Variants in SETD5 observed in about 807,000 individuals in gnomAD.
The protein encoded by SETD5 is SET domain containing 5.
Under a neutral mutation model 153.3 loss-of-function variants are expected in SETD5, and 44 were observed. That is an observed-to-expected ratio of 0.29 (90% CI 0.23 to 0.37). The LOEUF (loss-of-function observed/expected upper bound fraction) is 0.37, where lower values mean the gene tolerates loss of function less well. Ranked by LOEUF, SETD5 falls within the 10% of genes least tolerant of loss-of-function variation. The pLI is 1.00. For synonymous variants in SETD5, 716 were observed against 645.2 expected, an observed-to-expected ratio of 1.11 and a Z score of -1.66; for missense variants, 1,544 against 1,768.0, an observed-to-expected ratio of 0.87 and a Z score of 2.27.
rs1014225988 is a variant in SETD5, at chr3:9,434,954, A to G, written c.388+72A>G. The G allele has an allele frequency of 1.9e-5, 30 of 1,543,078 alleles. No individual in the cohort carries two copies. In the African/African-American group the frequency reaches 3.8e-4, roughly 20 times the overall value. On this transcript the variant is annotated intron_variant, in intron 6 of 22. Coordinates refer to ENST00000402198, the MANE Select transcript of SETD5 (RefSeq NM_001080517.3). The surrounding 1 kb of genome is among the most constrained non-coding windows in gnomAD (Gnocchi z 5.6). ...TGTGATCTGAATGTTCATTTTAAGA[A>G]CCCCTCTTGGCCAGGCGCAGTGGCT...
rs1044318972 is a variant in SETD5, at chr3:9,433,566, C to T, written c.72-279C>T. 320 of 1,296,450 alleles carry T rather than the reference C, an allele frequency of 2.5e-4. 1 individual carries two copies. The highest frequency in any genetic ancestry group is 3.1e-4 in the Non-Finnish European group (304 of 992,980). The allele number at this position is 1,296,450 out of a possible 1,614,324, so 80.3% of individuals were successfully genotyped here. Reference sequence around the variant, plus strand: ...GGGGAAACTCCCCGCTCAGCTGGTACGTTTGTGTTTGTCATTAGGGACACC... The same window carrying T: ...GGGGAAACTCCCCGCTCAGCTGGTATGTTTGTGTTTGTCATTAGGGACACC... On this transcript the variant is annotated intron_variant, in intron 3 of 22. Coordinates refer to ENST00000402198, the MANE Select transcript of SETD5 (RefSeq NM_001080517.3).
rs572286559 is a variant in SETD5 at position 9,434,483 on chromosome 3, C to T, written c.327C>T (p.Cys109=). 7.4e-6 allele frequency: 12 copies of T among 1,613,890 alleles called. No homozygotes were observed. The African/African-American group carries it at 1.6e-4, about 22-fold the overall frequency. ...QDGFLLNCDK[C]RGMSRGKVIR... ...GCTTCCTTCTCAACTGTGACAAGTG[C>T]AGGTAAGATCCTGTTCCATCTAAAT... Residue 109 remains cysteine, a splice_region_variant and synonymous_variant, in exon 5 of 23, where the codon TGC becomes TGT. Coordinates refer to ENST00000402198, the MANE Select transcript of SETD5 (RefSeq NM_001080517.3). This position sits in a 1 kb window ranked among gnomAD's most constrained non-coding sequence, Gnocchi z 5.6.
intron 11 of SETD5, 72 bp from the exon 12 acceptor site, chr3:9,444,974 AAG>A (rs2041762993): frequency 1.3e-6 from 2 of 1,540,288 alleles, no homozygotes; most frequent in African/African-American, 2.8e-5. Context: ...CTGATATTTT[AAG>A]AGGGTGAATG....
At chr3:9,440,285 A>G (rs571702757) in intron 7 of SETD5, among the ~76,000 whole-genome samples, 171 bp from the exon 8 acceptor site, 73 of 152,330 alleles carry the variant, frequency 4.8e-4, no homozygotes, top group African/African-American at 1.6e-3. Flanking sequence ...CTCATTGGTA[A>G]CAAAAGCATG....
chr3:9,429,764 CT>C, intron 3 of SETD5: 1 of 1,112,550 alleles, frequency 9.0e-7, no homozygotes, highest in Non-Finnish European at 1.2e-6. Flanking sequence ...GAGATTCCCC[CT>C]GCTCACAGAT....
intron 17 of SETD5, among the ~76,000 whole-genome samples, chr3:9,459,573 A>T (rs748203169): frequency 3.3e-5 from 5 of 151,838 alleles, no homozygotes; most frequent in Non-Finnish European, 7.4e-5. Context: ...GATCCAGACC[A>T]TCCTGGCTAA....
chr3:9,410,320 T>G (rs1032434199), intron 1 of SETD5, among the ~76,000 whole-genome samples: 3 of 152,216 alleles, frequency 2.0e-5, no homozygotes, highest in Admixed American at 1.3e-4. Flanking sequence ...TACAGTCTTA[T>G]GGGATCATTA....
intron 17 of SETD5, among the ~76,000 whole-genome samples, chr3:9,464,121 C>G (rs1213016057): frequency 2.0e-5 from 3 of 152,096 alleles, no homozygotes; most frequent in Non-Finnish European, 2.9e-5. Flanking sequence ...GAGCAAGGCT[C>G]TGTCTCATAA....
rs2042116926 is a variant in SETD5, at chr3:9,447,157, G to A, written c.1632G>A (p.Glu544=). 6.2e-7 allele frequency: 1 copy of A among 1,613,988 alleles called. No individual in the cohort carries two copies. Among genetic ancestry groups the A allele is most frequent in the South Asian group, 1.1e-5 (1 of 91,084 alleles). The change falls in exon 14 of 23, where the codon GAG becomes GAA. Residue 544 remains glutamate, a synonymous_variant. Transcript: ENST00000402198. ...TGGAACAGAGCAACTCTGATGTAGA[G>A]ATTACTACAACCACCTCAGAGACTC... The part of the protein sequence containing the change: ...QPLEQSNSDV[E]ITTTTSETPV...
chr3:9,438,615 A>G (rs1575409886), intron 7 of SETD5, among the ~76,000 whole-genome samples: 1 of 152,346 alleles, frequency 6.6e-6, no homozygotes, highest in East Asian at 1.9e-4. Context: ...AAACTCCTCC[A>G]GTGATCCAGG....
chr3:9,430,208 A>G (rs2125056399), intron 3 of SETD5: 1 of 984,840 alleles, frequency 1.0e-6, no homozygotes, highest in Non-Finnish European at 1.2e-6. Flanking sequence ...GAATATTATT[A>G]AAGAGCATGT....
chr3:9,473,399 C>T lies in SETD5; in HGVS notation c.3359C>T (p.Ala1120Val), dbSNP rs772338748. 1 of 1,613,974 alleles carries T rather than the reference C, an allele frequency of 6.2e-7. No homozygotes were observed. The change falls in exon 20 of 23, where the codon GCC (alanine) becomes GTC (valine). Residue 1120 changes from alanine (A) to valine (V), a missense_variant. Ala to Val is a moderately conservative substitution (Grantham distance 64, BLOSUM62 0). This residue lies in a region of SETD5 where 93 missense variants were observed against 93.4 expected (regional missense o/e 1.00). Transcript: ENST00000402198. ...TGAHGVQGSS[A>V]RTPSSPHKKF... ...GCCCATGGTGTGCAGGGATCCTCAG[C>T]CCGAACTCCATCTTCCCCTCACAAA...
intron 16 of SETD5, among the ~76,000 whole-genome samples, chr3:9,451,239 A>G (rs1028878558): frequency 2.0e-5 from 3 of 152,242 alleles, no homozygotes; most frequent in African/African-American, 7.2e-5. Context: ...CAAACATAGC[A>G]TTGAAATTTA....
At chr3:9,403,349 C>T (rs981972072) in intron 1 of SETD5, among the ~76,000 whole-genome samples, 1 of 152,082 alleles carries the variant, frequency 6.6e-6, no homozygotes, top group Admixed American at 6.5e-5. Flanking sequence ...CGAGGAGACC[C>T]GTTCTAGAGC....
At position 9,430,774 on chromosome 3, in the gene SETD5, G is replaced by A. The variant is rs926778089; in HGVS notation, c.71+1765G>A. On this transcript the variant is annotated intron_variant, in intron 3 of 22. Coordinates refer to ENST00000402198, the MANE Select transcript of SETD5 (RefSeq NM_001080517.3). Reference sequence around the variant, plus strand: ...CCCCAAAGTATAGACATGACTGCCCGTAAATACTGCTGGGGAGTCTAGGAC... The same window carrying A: ...CCCCAAAGTATAGACATGACTGCCCATAAATACTGCTGGGGAGTCTAGGAC... The A allele has an allele frequency of 2.6e-5, 25 of 959,090 alleles. No homozygotes were observed. The Admixed American group carries it at 4.9e-4, about 19-fold the overall frequency. The allele number at this position is 959,090 out of a possible 1,614,324, so 59.4% of individuals were successfully genotyped here.
At chr3:9,474,811 T>A (rs965365855) in intron 21 of SETD5, 20 of 635,652 alleles carry the variant, frequency 3.1e-5, no homozygotes, top group South Asian at 3.0e-4. Flanking sequence ...TTTCTGTAAC[T>A]CTCATCTCTC....
At position 9,476,890 on chromosome 3, in the gene SETD5, T is replaced by C. The variant is rs1377904131; in HGVS notation, c.*799T>C. 5 of 152,630 alleles carry C rather than the reference T, an allele frequency of 3.3e-5. No individual in the cohort carries two copies. The highest frequency in any genetic ancestry group is 5.9e-5 in the Non-Finnish European group (4 of 68,030). The allele number at this position is 152,630 out of a possible 1,614,324, so 9.5% of individuals were successfully genotyped here. On this transcript the variant is annotated 3_prime_UTR_variant, in exon 23 of 23. Transcript: ENST00000402198. ...AGACAAGAAAAGGAGGAATGAGACA[T>C]GATATAGGCCAATTGCATTGCTACT...
At chr3:9,451,760 C>A (rs2042653429) in intron 16 of SETD5, among the ~76,000 whole-genome samples, 1 of 152,184 alleles carries the variant, frequency 6.6e-6, no homozygotes, top group African/African-American at 2.4e-5. Flanking sequence ...AGCCAAGTGT[C>A]AAGCCAGGGC....
intron 17 of SETD5, among the ~76,000 whole-genome samples, chr3:9,463,776 T>TA (rs1360153190): frequency 1.3e-5 from 2 of 152,244 alleles, no homozygotes; most frequent in Non-Finnish European, 1.5e-5. Context: ...TAGTTGGTGA[T>TA]ATAGCAGTTT....
Sources: allele counts gnomAD v4.1 joint callset (sites outside exome capture counted in the v4.1 genomes callset), GRCh38; gene constraint gnomAD v4.1.1; regional missense constraint gnomAD v4.1.1; non-coding constraint Gnocchi (gnomAD v3.1); transcripts MANE v1.5; gene names NCBI Gene and HGNC (gene_info 2026-07-23, HGNC 2026-07-21).